Variants in AKIP1 observed in about 807,000 individuals in gnomAD.
AKIP1 encodes A-kinase interacting protein 1.
In AKIP1, 18 loss-of-function variants were observed where a neutral mutation model predicts 22.3. The observed-to-expected ratio is 0.81, with a 90% CI of 0.56 to 1.19. The LOEUF (loss-of-function observed/expected upper bound fraction) is 1.19. Ranked by LOEUF, AKIP1 falls within the 50% of genes most tolerant of loss-of-function variation. The pLI, the probability that AKIP1 is intolerant of heterozygous loss-of-function variation, is 0.00. For missense variants in AKIP1, 287 were observed against 264.6 expected, an observed-to-expected ratio of 1.08 and a Z score of -0.59; for synonymous variants, 120 against 102.7, an observed-to-expected ratio of 1.17 and a Z score of -1.02.
intron 3 of AKIP1, among the ~76,000 whole-genome samples, chr11:8,912,811 A>C (rs1051689159): frequency 6.6e-6 from 1 of 151,896 alleles, no homozygotes; most frequent in Non-Finnish European, 1.5e-5. Context: ...TAGTGGGGGG[A>C]AAATAGCTTA....
chr11:8,915,056 C>T (rs2064458365), intron 4 of AKIP1, 126 bp downstream of exon 4: 5 of 645,434 alleles, frequency 7.7e-6, no homozygotes, highest in Non-Finnish European at 1.3e-5. Context: ...CAGTGCTTAA[C>T]AGAAATGTGT....
chr11:8,915,947 G>A (rs756598410), intron 4 of AKIP1, among the ~76,000 whole-genome samples: 1 of 147,642 alleles, frequency 6.8e-6, no homozygotes, highest in South Asian at 2.2e-4. Flanking sequence ...CCTCAGCCCC[G>A]AGTAGCTGGG....
chr11:8,915,554 G>A (rs1306657115), intron 4 of AKIP1, among the ~76,000 whole-genome samples: 1 of 148,946 alleles, frequency 6.7e-6, no homozygotes, highest in African/African-American at 2.5e-5. Flanking sequence ...ATAGAGATGG[G>A]GTTTTGCTAT....
intron 4 of AKIP1, among the ~76,000 whole-genome samples, chr11:8,916,670 C>T (rs1404408067): frequency 6.6e-6 from 1 of 152,194 alleles, no homozygotes; most frequent in Admixed American, 6.5e-5. Context: ...ACTCGAAGCA[C>T]CTCCCACATG....
chr11:8,911,412 C>T, intron 1 of AKIP1, 32 bp from the exon 2 acceptor site: 2 of 1,530,410 alleles, frequency 1.3e-6, no homozygotes, highest in South Asian at 1.2e-5. Flanking sequence ...CCAGCTGACC[C>T]GCCGGCGTTT....
chr11:8,913,474 C>T (rs1482670683), intron 3 of AKIP1, among the ~76,000 whole-genome samples: 1 of 152,202 alleles, frequency 6.6e-6, no homozygotes, highest in African/African-American at 2.4e-5. Context: ...AGGCTTGAGC[C>T]ACCATACCCA....
At chr11:8,919,040 A>G (rs1030595122) in intron 5 of AKIP1, among the ~76,000 whole-genome samples, 1 of 152,192 alleles carries the variant, frequency 6.6e-6, no homozygotes, top group Non-Finnish European at 1.5e-5. Context: ...GCCTAACTCC[A>G]AGTAGAGTGT....
chr11:8,919,184 G>A lies in AKIP1; in HGVS notation c.490-153G>A, dbSNP rs147375483. Among the ~76,000 whole-genome samples the A allele has an allele frequency of 7.9e-5, 12 of 152,344 alleles. No individual in the cohort carries two copies. The East Asian group carries it at 1.5e-3, about 20-fold the overall frequency. On this transcript the variant is annotated intron_variant, in intron 5 of 5. Coordinates refer to ENST00000309377, the MANE Select transcript of AKIP1 (RefSeq NM_020642.4). Reference sequence around the variant, plus strand: ...ACCTACCAAAATGACAGTGTTGTACGTGAGCAGGCTGAGCCTTGAAAGCAG... The same window carrying A: ...ACCTACCAAAATGACAGTGTTGTACATGAGCAGGCTGAGCCTTGAAAGCAG...
intron 3 of AKIP1, among the ~76,000 whole-genome samples, chr11:8,913,915 T>C (rs1365016446): frequency 6.6e-6 from 1 of 152,214 alleles, no homozygotes; most frequent in Admixed American, 6.5e-5. Flanking sequence ...TATTTGTCTT[T>C]GGTTTGAGGT....
intron 3 of AKIP1, among the ~76,000 whole-genome samples, chr11:8,914,287 T>G (rs1589922426): frequency 6.6e-6 from 1 of 152,188 alleles, no homozygotes; most frequent in African/African-American, 2.4e-5. Context: ...TTTCGGAAGA[T>G]TCTTCTTAAA....
At chr11:8,913,175 G>GA (rs565127716) in intron 3 of AKIP1, among the ~76,000 whole-genome samples, 2,953 of 139,254 alleles carry the variant, frequency 0.021, 39 homozygotes, top group Non-Finnish European at 0.034. Flanking sequence ...CACCGTGCCC[G>GA]ACCTTTTTTT....
chr11:8,911,609 CG>C lies in AKIP1; in HGVS notation c.163del (p.Glu55ArgfsTer5), dbSNP rs1566101637. The C allele has an allele frequency of 1.9e-6, 3 of 1,603,302 alleles. 1 individual carries two copies. The African/African-American group carries it at 4.0e-5, about 21-fold the overall frequency. ...RPKGCMGVLA[R>X]EAPHLEKQPA... ...CAAAGGCTGCATGGGGGTCCTTGCC[CG>C]GGAGGCGCCCCACCTAGAGAAACAG... On this transcript the variant is annotated frameshift_variant, in exon 2 of 6. Coordinates refer to ENST00000309377, the MANE Select transcript of AKIP1 (RefSeq NM_020642.4). LOFTEE classifies it high-confidence loss of function.
chr11:8,916,945 C>T (rs1163109515), intron 4 of AKIP1, among the ~76,000 whole-genome samples: 1 of 152,194 alleles, frequency 6.6e-6, no homozygotes, highest in African/African-American at 2.4e-5. Flanking sequence ...AGCCTAAGTG[C>T]CACTTTTGCA....
chr11:8,919,281 A>G lies in AKIP1; in HGVS notation c.490-56A>G, dbSNP rs564387501. On this transcript the variant is annotated intron_variant, in intron 5 of 5. Coordinates refer to ENST00000309377, the MANE Select transcript of AKIP1 (RefSeq NM_020642.4). ...AGGACAGGTAGCCTGCTGGGGGGCC[A>G]TGGTGGCACTGGGGTATAAAATCTC... The G allele has an allele frequency of 2.6e-5, 40 of 1,550,716 alleles. No individual in the cohort carries two copies. The Admixed American group carries it at 6.5e-4, about 25-fold the overall frequency.
At chr11:8,917,494 T>G (rs748245798) in intron 5 of AKIP1, 127 bp downstream of exon 5, 1 of 759,694 alleles carries the variant, frequency 1.3e-6, no homozygotes, top group South Asian at 1.5e-5. Flanking sequence ...GTTCTTACAC[T>G]TAAGAAGGGC....
intron 4 of AKIP1, among the ~76,000 whole-genome samples, chr11:8,916,657 C>T (rs1411030018): frequency 6.6e-6 from 1 of 152,166 alleles, no homozygotes; most frequent in African/African-American, 2.4e-5. Flanking sequence ...GGGCTGAGTG[C>T]ACACTCGAAG....
In AKIP1 at chr11:8,919,535, A is replaced by G; in HGVS notation, c.*55A>G. ...TTTTTTAAGTAGTAAGAATAAAGCCACTGTATGATTCTCTTAATAGCTATA... is the reference window on the plus strand; with the variant it reads ...TTTTTTAAGTAGTAAGAATAAAGCCGCTGTATGATTCTCTTAATAGCTATA... On this transcript the variant is annotated 3_prime_UTR_variant, in exon 6 of 6. Transcript: ENST00000309377. 1 of 1,575,266 alleles carries G rather than the reference A, an allele frequency of 6.3e-7. No individual in the cohort carries two copies. Among genetic ancestry groups the G allele is most frequent in the Non-Finnish European group, 8.7e-7 (1 of 1,154,430 alleles).
Position 8,919,588 on chromosome 11 carries a change from G to A in AKIP1, c.*108G>A, listed in dbSNP as rs2064546283. The A allele has an allele frequency of 1.6e-6, 2 of 1,273,398 alleles. No homozygotes were observed. Among genetic ancestry groups the A allele is most frequent in the Non-Finnish European group, 2.2e-6 (2 of 916,700 alleles). The allele number at this position is 1,273,398 out of a possible 1,614,324, so 78.9% of individuals were successfully genotyped here. ...TTAATCCTGTTTTTAGTGCTGACTG[G>A]GTCAGCCTTCCGGGAACTGGAGTCT... On this transcript the variant is annotated 3_prime_UTR_variant, in exon 6 of 6. Coordinates refer to ENST00000309377, the MANE Select transcript of AKIP1 (RefSeq NM_020642.4).
rs117838377 is a variant in AKIP1, at chr11:8,915,263, C to G, written c.408+333C>G. The stretch of plus-strand genomic sequence containing the variant: ...TGATCGCCCCTGTGACTATCCCCTG[C>G]ATTCTATCCTGGGCAACATAGACCC... On this transcript the variant is annotated intron_variant, in intron 4 of 5. Coordinates refer to ENST00000309377, the MANE Select transcript of AKIP1 (RefSeq NM_020642.4). 3.1e-3 allele frequency among the ~76,000 whole-genome samples: 464 copies of G among 151,774 alleles called. 12 individuals carry two copies. In the East Asian group the frequency reaches 0.073, roughly 24 times the overall value.
Sources: allele counts gnomAD v4.1 joint callset (sites outside exome capture counted in the v4.1 genomes callset), GRCh38; gene constraint gnomAD v4.1.1; transcripts MANE v1.5; gene names NCBI Gene and HGNC (gene_info 2026-07-23, HGNC 2026-07-21).